Variants in DNAH14 observed in about 807,000 individuals in gnomAD.
The protein encoded by DNAH14 is axonemal beta dynein heavy chain 14.
DNAH14 carries 478 observed loss-of-function variants against 520.9 expected under a neutral mutation model. The ratio of observed to expected loss-of-function variants is 0.92; its 90% CI spans 0.85 to 0.99. The LOEUF (loss-of-function observed/expected upper bound fraction) is 0.99, where lower values mean the gene tolerates loss of function less well. Among genes scored for constraint, DNAH14 ranks in the 50% least tolerant of loss-of-function variants. The pLI is 0.00. For missense variants in DNAH14, 4,831 were observed against 5,234.5 expected (o/e 0.92, Z 2.38); for synonymous variants, 1,581 against 1,757.2 (o/e 0.90, Z 2.51).
intron 21 of DNAH14, among the ~76,000 whole-genome samples, chr1:225,091,475 C>G (rs913542686): frequency 6.6e-6 from 1 of 152,048 alleles, no homozygotes; most frequent in African/African-American, 2.4e-5. Context: ...TCATATCCAG[C>G]CAAATTAGAT....
chr1:224,996,258 A>G lies in DNAH14; in HGVS notation c.831-6525A>G, dbSNP rs2063384431. Among the ~76,000 whole-genome samples the G allele has an allele frequency of 1.3e-5, 2 of 152,018 alleles. 1 individual carries two copies. Among genetic ancestry groups the G allele is most frequent in the Non-Finnish European group, 2.9e-5 (2 of 67,994 alleles). ...CTACAGTCTCAACCTCCTGGGCTCA[A>G]GCAATCCTCCTCACCTTCCTGAGTA... On this transcript the variant is annotated intron_variant, in intron 8 of 85. Coordinates refer to ENST00000682510, the MANE Select transcript of DNAH14 (RefSeq NM_001367479.1).
At chr1:225,309,853 A>G (rs192527954) in intron 60 of DNAH14, among the ~76,000 whole-genome samples, 39 of 152,210 alleles carry the variant, frequency 2.6e-4, no homozygotes, top group South Asian at 8.3e-4. Context: ...AGATGGCGCC[A>G]CTGCACTCCA....
intron 27 of DNAH14, among the ~76,000 whole-genome samples, chr1:225,130,647 G>A (rs12733009): frequency 0.25 from 30,443 of 122,622 alleles, 5,739 homozygotes; most frequent in African/African-American, 0.54. Context: ...AGGAAGGGGA[G>A]CATCACACTC....
At chr1:225,087,843 A>C (rs1273676270) in intron 21 of DNAH14, among the ~76,000 whole-genome samples, 1 of 152,240 alleles carries the variant, frequency 6.6e-6, no homozygotes, top group Non-Finnish European at 1.5e-5. Flanking sequence ...GCCAGAGGTC[A>C]GGGAAACAAC....
chr1:224,978,234 A>G (rs550629617), intron 8 of DNAH14, among the ~76,000 whole-genome samples: 4 of 152,242 alleles, frequency 2.6e-5, no homozygotes, highest in Admixed American at 2.0e-4. Context: ...AGCACTGTTC[A>G]CAACAGCCAA....
At chr1:224,992,453 T>G (rs1305624075) in intron 8 of DNAH14, among the ~76,000 whole-genome samples, 1 of 152,152 alleles carries the variant, frequency 6.6e-6, no homozygotes, top group Non-Finnish European at 1.5e-5. Context: ...AATTTATTCC[T>G]AAGTATTTTA....
chr1:225,066,785 A>G (rs778557700), intron 17 of DNAH14, among the ~76,000 whole-genome samples: 4 of 152,094 alleles, frequency 2.6e-5, no homozygotes, highest in Non-Finnish European at 4.4e-5. Context: ...CACTTAGAAT[A>G]ATGGCCTCCA....
intron 31 of DNAH14, among the ~76,000 whole-genome samples, chr1:225,149,061 T>C (rs2080231585): frequency 6.8e-6 from 1 of 147,774 alleles, no homozygotes; most frequent in South Asian, 2.1e-4. Context: ...GCCTAGGTTG[T>C]CTTCCAGGGT....
chr1:225,082,282 A>G (rs1307630939), intron 19 of DNAH14, among the ~76,000 whole-genome samples: 2 of 151,648 alleles, frequency 1.3e-5, no homozygotes, highest in Non-Finnish European at 1.5e-5. Flanking sequence ...CACTCCTGGT[A>G]TCAAATTTTC....
intron 36 of DNAH14, among the ~76,000 whole-genome samples, chr1:225,177,740 G>C (rs143344867): frequency 2.6e-5 from 4 of 152,192 alleles, no homozygotes; most frequent in African/African-American, 9.7e-5. Context: ...GATTTCAGAA[G>C]ATGTATGGAA....
intron 41 of DNAH14, among the ~76,000 whole-genome samples, chr1:225,210,546 G>A (rs2149447100): frequency 6.6e-6 from 1 of 150,818 alleles, no homozygotes; most frequent in South Asian, 2.1e-4. Flanking sequence ...ATCTGCCTGG[G>A]ACAGAGCACC....
At position 225,308,425 on chromosome 1, in the gene DNAH14, T is replaced by C. The variant is rs772313692; in HGVS notation, c.9240+15T>C. 1.0e-5 allele frequency: 15 copies of C among 1,504,008 alleles called. No homozygotes were observed. The South Asian group carries it at 1.8e-4, about 19-fold the overall frequency. 93.2% of individuals were successfully genotyped at this position (1,504,008 alleles called of 1,614,324 possible). ...ATTATGCTCAGGTAAAATTAAAATATTGTCAATAAAAATAATTTGGAGATT... is the reference window on the plus strand; with the variant it reads ...ATTATGCTCAGGTAAAATTAAAATACTGTCAATAAAAATAATTTGGAGATT... On this transcript the variant is annotated intron_variant, in intron 60 of 85. Coordinates refer to ENST00000682510, the MANE Select transcript of DNAH14 (RefSeq NM_001367479.1).
Position 225,104,750 on chromosome 1 carries a change from A to C in DNAH14, c.3867+3866A>C, listed in dbSNP as rs142590115. Among the ~76,000 whole-genome samples the C allele has an allele frequency of 4.7e-3, 719 of 151,890 alleles. 4 individuals are homozygous for C. Among genetic ancestry groups the C allele is most frequent in the African/African-American group, 0.016 (675 of 41,380 alleles). ...GGTGATGTCCCCTTTATCATTTTTT[A>C]TTGTGTCTATTTGATTCTTCTCTCT... On this transcript the variant is annotated intron_variant, in intron 23 of 85. Coordinates refer to ENST00000682510, the MANE Select transcript of DNAH14 (RefSeq NM_001367479.1).
chr1:225,023,533 G>T, intron 10 of DNAH14, 82 bp from the exon 11 acceptor site: 1 of 1,158,756 alleles, frequency 8.6e-7, no homozygotes, highest in South Asian at 2.0e-5. Context: ...AATTGAAGTT[G>T]ATAAAAAAAA....
intron 5 of DNAH14, among the ~76,000 whole-genome samples, chr1:224,966,189 G>A (rs1211985909): frequency 6.6e-6 from 1 of 151,856 alleles, no homozygotes; most frequent in Non-Finnish European, 1.5e-5. Context: ...TTGTTTTTGA[G>A]GATTTAATAT....
At chr1:225,357,964 G>A (rs956477309) in intron 73 of DNAH14, 13 of 594,034 alleles carry the variant, frequency 2.2e-5, no homozygotes, top group Non-Finnish European at 3.9e-5. Context: ...TGTTTACTAT[G>A]CATTTATACT....
chr1:225,006,003 A>G (rs1217691451), intron 9 of DNAH14, among the ~76,000 whole-genome samples: 4 of 152,174 alleles, frequency 2.6e-5, no homozygotes, highest in African/African-American at 4.8e-5. Flanking sequence ...GACCGGCTGA[A>G]GCCACGGCAG....
At chr1:225,148,426 G>T (rs1401156065) in intron 31 of DNAH14, among the ~76,000 whole-genome samples, 8 of 130,988 alleles carry the variant, frequency 6.1e-5, no homozygotes, top group Non-Finnish European at 3.1e-5. Context: ...TTTTGAGTCG[G>T]AGTCTCACTC....
At chr1:225,034,753 T>C (rs1364664613) in intron 11 of DNAH14, among the ~76,000 whole-genome samples, 1 of 152,142 alleles carries the variant, frequency 6.6e-6, no homozygotes, top group Non-Finnish European at 1.5e-5. Flanking sequence ...ATTTTAGAGC[T>C]CATTATTGGG....
Sources: allele counts gnomAD v4.1 joint callset (sites outside exome capture counted in the v4.1 genomes callset), GRCh38; gene constraint gnomAD v4.1.1; transcripts MANE v1.5; gene names NCBI Gene and HGNC (gene_info 2026-07-23, HGNC 2026-07-21).